The following AUTS2 variants were observed in gnomAD, a reference collection of about 807,000 sequenced individuals.
The protein encoded by AUTS2 is activator of transcription and developmental regulator AUTS2.
A neutral mutation model predicts 112.4 loss-of-function variants in AUTS2; 17 were observed. The observed-to-expected ratio is 0.15, with a 90% CI of 0.10 to 0.23. The LOEUF (loss-of-function observed/expected upper bound fraction) is 0.23. AUTS2 is among the 10% of genes least tolerant of loss of function. The pLI is 1.00. For synonymous variants in AUTS2, 751 were observed against 702.7 expected (o/e 1.07, Z -1.09); for missense variants, 1,510 against 1,701.6 (o/e 0.89, Z 1.98).
chr7:70,748,271 G>A (rs534414570), intron 6 of AUTS2, among the ~76,000 whole-genome samples: 1 of 152,100 alleles, frequency 6.6e-6, no homozygotes, highest in Non-Finnish European at 1.5e-5. Context: ...AATGGCAAGC[G>A]ATGAAATAAT....
intron 5 of AUTS2, among the ~76,000 whole-genome samples, chr7:70,681,320 C>G (rs182399779): frequency 1.3e-5 from 2 of 152,100 alleles, no homozygotes; most frequent in African/African-American, 2.4e-5. Flanking sequence ...TCCCGCTCCC[C>G]GAGGGTTTGC....
intron 4 of AUTS2, among the ~76,000 whole-genome samples, chr7:70,385,161 A>G (rs1374314763): frequency 6.6e-6 from 1 of 152,186 alleles, no homozygotes; most frequent in Admixed American, 6.5e-5. Flanking sequence ...CTCACCGCAC[A>G]TAATCATCTG....
intron 10 of AUTS2, among the ~76,000 whole-genome samples, chr7:70,770,522 A>G (rs903399269): frequency 6.6e-6 from 1 of 152,356 alleles, no homozygotes; most frequent in South Asian, 2.1e-4. Flanking sequence ...AAACAAACCA[A>G]TAGGACCTCA....
chr7:70,573,043 T>C (rs1227382040), intron 5 of AUTS2, among the ~76,000 whole-genome samples: 1 of 152,214 alleles, frequency 6.6e-6, no homozygotes, highest in Non-Finnish European at 1.5e-5. Context: ...CTTCGACTCT[T>C]CGGAGAGAAC....
chr7:70,777,039 G>A, intron 13 of AUTS2, 64 bp from the exon 14 acceptor site: 1 of 1,518,362 alleles, frequency 6.6e-7, no homozygotes, highest in Admixed American at 1.7e-5. Context: ...AAGCTTTGGG[G>A]AAATTGAAGG....
At chr7:70,447,291 C>T (rs918070446) in intron 5 of AUTS2, among the ~76,000 whole-genome samples, 6 of 152,184 alleles carry the variant, frequency 3.9e-5, no homozygotes, top group Non-Finnish European at 8.8e-5. Context: ...TACCTCCATT[C>T]TACTTATAAG....
chr7:69,811,696 G>C (rs558587870), intron 1 of AUTS2, among the ~76,000 whole-genome samples: 1 of 152,168 alleles, frequency 6.6e-6, no homozygotes, highest in East Asian at 1.9e-4. Context: ...TTTCCATCAA[G>C]CTTTTCCGCA....
intron 2 of AUTS2, among the ~76,000 whole-genome samples, chr7:70,107,634 G>T (rs555371703): frequency 2.7e-4 from 40 of 150,428 alleles, no homozygotes; most frequent in African/African-American, 9.3e-4. Context: ...GAGCCACCAT[G>T]CCTGGCCTCA....
intron 1 of AUTS2, among the ~76,000 whole-genome samples, chr7:69,888,731 G>A (rs899166832): frequency 4.0e-5 from 6 of 151,134 alleles, no homozygotes; most frequent in Middle Eastern, 3.4e-3. Context: ...ACACCTCCAC[G>A]CCTGGCTAAT....
chr7:69,689,549 C>T (rs1448780900), intron 1 of AUTS2, among the ~76,000 whole-genome samples: 1 of 150,928 alleles, frequency 6.6e-6, no homozygotes, highest in African/African-American at 2.4e-5. Context: ...ACCGTATTGG[C>T]CAGGCTGGTC....
intron 2 of AUTS2, among the ~76,000 whole-genome samples, chr7:70,070,223 C>T (rs1286102923): frequency 6.6e-6 from 1 of 151,962 alleles, no homozygotes; most frequent in East Asian, 1.9e-4. Context: ...AGCCTGGTGG[C>T]ACTCTGGGGA....
At chr7:69,661,432 C>T (rs1264924240) in intron 1 of AUTS2, among the ~76,000 whole-genome samples, 6 of 152,146 alleles carry the variant, frequency 3.9e-5, no homozygotes, top group African/African-American at 1.4e-4. Context: ...ACTGTAGTTT[C>T]CAGTGATCAT....
At chr7:70,014,698 A>C (rs1234798690) in intron 2 of AUTS2, among the ~76,000 whole-genome samples, 1 of 152,184 alleles carries the variant, frequency 6.6e-6, no homozygotes, top group Non-Finnish European at 1.5e-5. Flanking sequence ...GTAGACATGC[A>C]CACCTCTTCA....
chr7:70,117,937 C>T (rs962067202), intron 2 of AUTS2, among the ~76,000 whole-genome samples, 195 bp from the exon 3 acceptor site: 1 of 151,812 alleles, frequency 6.6e-6, no homozygotes, highest in African/African-American at 2.4e-5. Context: ...TTAGTAGAGA[C>T]GGGGTTTCCA....
intron 2 of AUTS2, among the ~76,000 whole-genome samples, chr7:70,004,345 T>TACATAA (rs1563031716): frequency 1.6e-3 from 208 of 133,228 alleles, no homozygotes; most frequent in Middle Eastern, 0.013. Flanking sequence ...GAATATATAT[T>TACATAA]CATATATATA....
At chr7:69,906,504 C>T (rs1400501942) in intron 2 of AUTS2, among the ~76,000 whole-genome samples, 1 of 152,230 alleles carries the variant, frequency 6.6e-6, no homozygotes, top group East Asian at 1.9e-4. Context: ...TGGTGACAGG[C>T]GACTCACAAT....
intron 5 of AUTS2, among the ~76,000 whole-genome samples, chr7:70,696,613 G>A (rs532128301): frequency 6.6e-6 from 1 of 152,148 alleles, no homozygotes; most frequent in Non-Finnish European, 1.5e-5. Context: ...CCCATGTGGA[G>A]CTGACAAAGG....
At chr7:70,258,533 T>C (rs1478166029) in intron 4 of AUTS2, among the ~76,000 whole-genome samples, 1 of 152,224 alleles carries the variant, frequency 6.6e-6, no homozygotes, top group Non-Finnish European at 1.5e-5. Flanking sequence ...AAGAATGCAC[T>C]AGATCCTTGT....
At chr7:70,346,990 C>G (rs1384842129) in intron 4 of AUTS2, among the ~76,000 whole-genome samples, 1 of 152,196 alleles carries the variant, frequency 6.6e-6, no homozygotes, top group Non-Finnish European at 1.5e-5. Flanking sequence ...TCCGTGCCAT[C>G]TCAGTGCTTG....
Sources: allele counts gnomAD v4.1 joint callset (sites outside exome capture counted in the v4.1 genomes callset), GRCh38; gene constraint gnomAD v4.1.1; transcripts MANE v1.5; gene names NCBI Gene and HGNC (gene_info 2026-07-23, HGNC 2026-07-21).